COPZ1: variants seen among roughly 807,000 people sequenced by gnomAD.
COPZ1 encodes the protein coat protein complex I subunit zeta 1.
Under a neutral mutation model 31.7 loss-of-function variants are expected in COPZ1, and 4 were observed. The ratio of observed to expected loss-of-function variants is 0.13; its 90% CI spans 0.06 to 0.29. The LOEUF (loss-of-function observed/expected upper bound fraction) is 0.29, where lower values mean the gene tolerates loss of function less well. COPZ1 is among the 10% of genes least tolerant of loss of function. The probability of loss-of-function intolerance (pLI) is 1.00; values close to 1 mark genes in which losing one functional copy is unlikely to be tolerated. For missense variants in COPZ1, 156 were observed against 211.5 expected, an observed-to-expected ratio of 0.74 and a Z score of 1.63; for synonymous variants, 74 against 79.0, an observed-to-expected ratio of 0.94 and a Z score of 0.33.
chr12:54,325,214 G>C (rs1419384016), intron 1 of COPZ1, 33 bp downstream of exon 1: 1 of 1,552,670 alleles, frequency 6.4e-7, no homozygotes, highest in Non-Finnish European at 8.7e-7. Context: ...AGATGCTGTG[G>C]TGTCCACAGG....
chr12:54,343,116 C>A, intron 3 of COPZ1, 109 bp from the exon 4 acceptor site: 1 of 854,120 alleles, frequency 1.2e-6, no homozygotes, highest in Non-Finnish European at 2.0e-6. Context: ...CTCGGCTTCC[C>A]AAGGTGCTGG....
intron 4 of COPZ1, 74 bp from the exon 5 acceptor site, chr12:54,345,386 A>G: frequency 9.3e-7 from 1 of 1,070,448 alleles, no homozygotes. Context: ...TTAATGAATT[A>G]GGAGGTTTTG....
At chr12:54,329,614 G>C (rs1442652835) in intron 1 of COPZ1, among the ~76,000 whole-genome samples, 1 of 152,156 alleles carries the variant, frequency 6.6e-6, no homozygotes, top group African/African-American at 2.4e-5. Context: ...TATCGGTTTA[G>C]ATCTTTAAAT....
At position 54,342,326 on chromosome 12, in the gene COPZ1, G is replaced by A. The variant is rs771617453; in HGVS notation, c.169+39G>A. ...CTTTCACTACTACCCGTGCTGGGGGGAACCATGGTGGAAAGGGGGTGGTAA... is the reference window on the plus strand; with the variant it reads ...CTTTCACTACTACCCGTGCTGGGGGAAACCATGGTGGAAAGGGGGTGGTAA... On this transcript the variant is annotated intron_variant, in intron 3 of 8. Coordinates refer to ENST00000262061, the MANE Select transcript of COPZ1 (RefSeq NM_016057.3). 4.8e-6 allele frequency: 7 copies of A among 1,455,228 alleles called. No homozygotes were observed. In the East Asian group the frequency reaches 9.1e-5, roughly 19 times the overall value. 90.1% of individuals were successfully genotyped at this position (1,455,228 alleles called of 1,614,324 possible). A position where few individuals can be genotyped will look rare whatever the true frequency, so the allele number is the denominator to read the frequency against.
intron 8 of COPZ1, chr12:54,350,048 G>T: frequency 1.7e-6 from 1 of 599,390 alleles, no homozygotes; most frequent in Non-Finnish European, 3.0e-6. Context: ...TCTAGAATAT[G>T]CAGGTTTTGC....
intron 1 of COPZ1, 127 bp downstream of exon 1, chr12:54,325,308 C>A: frequency 7.9e-7 from 1 of 1,262,342 alleles, no homozygotes; most frequent in Non-Finnish European, 1.1e-6. Context: ...TTCTGCTGAC[C>A]TTTGGAATAA....
chr12:54,345,636 A>G, intron 5 of COPZ1, 121 bp downstream of exon 5: 1 of 782,366 alleles, frequency 1.3e-6, no homozygotes, highest in Non-Finnish European at 2.1e-6. Flanking sequence ...GGGATTGGCA[A>G]AGGCTCCAGG....
intron 1 of COPZ1, among the ~76,000 whole-genome samples, chr12:54,334,154 G>A (rs1352865887): frequency 6.6e-6 from 1 of 151,984 alleles, no homozygotes; most frequent in Non-Finnish European, 1.5e-5. Flanking sequence ...AGCACTTTGG[G>A]AGGTCAAGGT....
Position 54,326,961 on chromosome 12 carries a change from C to CT in COPZ1, c.18+1817dup, listed in dbSNP as rs60827109. On this transcript the variant is annotated intron_variant, in intron 1 of 8. Coordinates refer to ENST00000262061, the MANE Select transcript of COPZ1 (RefSeq NM_016057.3). ...CTGTACCAAGCAGTTAACAAGTATT[C>CT]TTTTTTTTTTTTTTTTTTTTTTTTT... 8.8e-3 allele frequency among the ~76,000 whole-genome samples: 384 copies of CT among 43,560 alleles called. 154 individuals carry two copies. Among genetic ancestry groups the CT allele is most frequent in the Non-Finnish European group, 0.011 (257 of 22,524 alleles). The allele number at this position is 43,560 out of a possible 152,430, so 28.6% of individuals were successfully genotyped here. A position where few individuals can be genotyped will look rare whatever the true frequency, so the allele number is the denominator to read the frequency against.
chr12:54,326,389 C>G (rs1953644889), intron 1 of COPZ1, among the ~76,000 whole-genome samples: 1 of 148,662 alleles, frequency 6.7e-6, no homozygotes, highest in Non-Finnish European at 1.5e-5. Context: ...ATCCACCCGC[C>G]TCGGCCTCCC....
chr12:54,346,765 A>C (rs1954071839), intron 5 of COPZ1: 3 of 651,008 alleles, frequency 4.6e-6, no homozygotes, highest in Middle Eastern at 2.7e-4. Flanking sequence ...CTGAGGTAGG[A>C]AGATTGCTTG....
chr12:54,336,542 A>C (rs1235592883), intron 1 of COPZ1, among the ~76,000 whole-genome samples: 2 of 151,970 alleles, frequency 1.3e-5, no homozygotes, highest in Non-Finnish European at 2.9e-5. Flanking sequence ...GTCTCAAAAA[A>C]AAAAAAGCTC....
chr12:54,344,315 C>G (rs1335214861), intron 4 of COPZ1, among the ~76,000 whole-genome samples: 1 of 152,178 alleles, frequency 6.6e-6, no homozygotes, highest in Non-Finnish European at 1.5e-5. Flanking sequence ...CATGGTGGCT[C>G]ACACCTGTAA....
intron 3 of COPZ1, 137 bp from the exon 4 acceptor site, chr12:54,343,088 C>G: frequency 2.8e-6 from 2 of 721,398 alleles, no homozygotes; most frequent in Non-Finnish European, 5.0e-6. Flanking sequence ...AACTCCTGAC[C>G]TTAGGTGATC....
chr12:54,347,739 ATTCTC>A (rs772531578), intron 5 of COPZ1, 23 bp from the exon 6 acceptor site: 6 of 1,600,414 alleles, frequency 3.7e-6, no homozygotes, highest in South Asian at 3.3e-5. Flanking sequence ...CAAGTTGGTT[ATTCTC>A]TTCTCTTCTC....
intron 1 of COPZ1, chr12:54,337,204 A>G (rs769798810): frequency 5.6e-6 from 3 of 534,576 alleles, no homozygotes; most frequent in South Asian, 1.4e-5. Context: ...CAATCTGCCT[A>G]TACATCATTT....
chr12:54,349,664 A>G lies in COPZ1; in HGVS notation c.486+6A>G. On this transcript the variant is annotated splice_donor_region_variant and intron_variant, in intron 8 of 8. Coordinates refer to ENST00000262061, the MANE Select transcript of COPZ1 (RefSeq NM_016057.3). ...CGGAGCAGACCGTGTCTCAGGTATG[A>G]CTCTCCCTTCTTCCTTTCCAGATGG... 1 of 1,608,132 alleles carries G rather than the reference A, an allele frequency of 6.2e-7. No homozygotes were observed. Among genetic ancestry groups the G allele is most frequent in the Non-Finnish European group, 8.5e-7 (1 of 1,174,744 alleles).
intron 7 of COPZ1, among the ~76,000 whole-genome samples, chr12:54,348,425 G>A (rs572861019): frequency 6.6e-6 from 1 of 152,314 alleles, no homozygotes; most frequent in Non-Finnish European, 1.5e-5. Flanking sequence ...AGGCAGAGGA[G>A]TGTCTGTTTT....
intron 1 of COPZ1, among the ~76,000 whole-genome samples, chr12:54,337,868 G>A (rs1953901289): frequency 6.6e-6 from 1 of 152,254 alleles, no homozygotes; most frequent in South Asian, 2.1e-4. Context: ...TTCTTCCCAG[G>A]AAGATCCAAT....
Sources: gnomAD v4.1 joint callset for allele counts (sites outside exome capture counted in the v4.1 genomes callset) on GRCh38, gnomAD v4.1.1 for gene constraint, MANE v1.5 for transcripts, NCBI Gene and HGNC (gene_info 2026-07-23, HGNC 2026-07-21) for gene names.